SLC9A5: variants seen among roughly 807,000 people sequenced by gnomAD.
The protein encoded by SLC9A5 is solute carrier family 9 member A5, also known as sodium/hydrogen exchanger 5.
In SLC9A5, 52 loss-of-function variants were observed where a neutral mutation model predicts 91.7. The ratio of observed to expected loss-of-function variants is 0.57; its 90% CI spans 0.45 to 0.71. SLC9A5 has a LOEUF of 0.71. SLC9A5 is among the 30% of genes least tolerant of loss of function. The probability of loss-of-function intolerance (pLI) is 0.00; values close to 1 mark genes in which losing one functional copy is unlikely to be tolerated. For missense variants in SLC9A5, 871 were observed against 1,158.9 expected (o/e 0.75, Z 3.61); for synonymous variants, 419 against 474.5 (o/e 0.88, Z 1.52).
Position 67,270,575 on chromosome 16 carries a change from G to C in SLC9A5, c.2219-163G>C, listed in dbSNP as rs2142397625. Reference sequence around the variant, plus strand: ...TGTGCTAGGTGTTGGGGATAGAGTGGAGAGTAAAACAAGCTGTGGTACTTC... The same window carrying C: ...TGTGCTAGGTGTTGGGGATAGAGTGCAGAGTAAAACAAGCTGTGGTACTTC... On this transcript the variant is annotated intron_variant, in intron 15 of 15. Transcript: ENST00000299798. This position sits in a 1 kb window ranked among gnomAD's most constrained non-coding sequence, Gnocchi z 4.3. Among the ~76,000 whole-genome samples the C allele has an allele frequency of 6.6e-6, 1 of 152,324 alleles. No homozygotes were observed. The highest frequency in any genetic ancestry group is 1.9e-4 in the East Asian group (1 of 5,188).
At chr16:67,249,230 G>A in intron 1 of SLC9A5, 29 bp downstream of exon 1, 1 of 1,372,662 alleles carries the variant, frequency 7.3e-7, no homozygotes, top group Non-Finnish European at 9.4e-7. Context: ...GCGCCAGGCC[G>A]ACCGCCAGCG....
At chr16:67,266,255 T>A (rs768743037) in intron 15 of SLC9A5, 30 bp downstream of exon 15, 4 of 1,560,030 alleles carry the variant, frequency 2.6e-6, no homozygotes, top group Non-Finnish European at 3.5e-6. Context: ...CCACCTCCCC[T>A]CTGGAGCAAG....
chr16:67,258,961 G>A lies in SLC9A5; in HGVS notation c.1626+514G>A, dbSNP rs2035418654. On this transcript the variant is annotated intron_variant, in intron 10 of 15. Coordinates refer to ENST00000299798, the MANE Select transcript of SLC9A5 (RefSeq NM_004594.3). This position sits in a 1 kb window ranked among gnomAD's most constrained non-coding sequence, Gnocchi z 4.5. ...CTCTGGAGGCTGAGGCAGGAGAATC[G>A]CTAAAATCTGGGAAGCGGGCTGGGC... Among the ~76,000 whole-genome samples, 1 of 146,754 alleles carries A rather than the reference G, an allele frequency of 6.8e-6. No homozygotes were observed. The highest frequency in any genetic ancestry group is 2.5e-5 in the African/African-American group (1 of 39,498).
At chr16:67,265,301 A>G (rs2035663479) in intron 14 of SLC9A5, among the ~76,000 whole-genome samples, 195 bp downstream of exon 14, 1 of 152,196 alleles carries the variant, frequency 6.6e-6, no homozygotes, top group African/African-American at 2.4e-5. Context: ...GAGGCATCTG[A>G]TTGCTAACTA....
In SLC9A5 at chr16:67,248,991, G is replaced by A; in HGVS notation, c.-24G>A. The A allele has an allele frequency of 8.1e-7, 1 of 1,236,604 alleles. No individual in the cohort carries two copies. Among genetic ancestry groups the A allele is most frequent in the Non-Finnish European group, 1.0e-6 (1 of 987,990 alleles). The allele number at this position is 1,236,604 out of a possible 1,614,324, so 76.6% of individuals were successfully genotyped here. Reference sequence around the variant, plus strand: ...GGGGCCGGCGGCCGTGCGGTGCCGGGAGGGCGGCTGGGCAGGCGGCAGGAT... The same window carrying A: ...GGGGCCGGCGGCCGTGCGGTGCCGGAAGGGCGGCTGGGCAGGCGGCAGGAT... On this transcript the variant is annotated 5_prime_UTR_variant, in exon 1 of 16. Coordinates refer to ENST00000299798, the MANE Select transcript of SLC9A5 (RefSeq NM_004594.3). This position sits in a 1 kb window ranked among gnomAD's most constrained non-coding sequence, Gnocchi z 5.3.
rs747040795 is a variant in SLC9A5, at chr16:67,256,610, C to A, written c.1053C>A (p.Ala351=). The A allele has an allele frequency of 6.2e-7, 1 of 1,614,114 alleles. No homozygotes were observed. The highest frequency in any genetic ancestry group is 8.5e-7 in the Non-Finnish European group (1 of 1,180,014). Residue 351 remains alanine, a synonymous_variant, in exon 6 of 16, where the codon GCC becomes GCA. Transcript: ENST00000299798. The surrounding 1 kb of genome is among the most constrained non-coding windows in gnomAD (Gnocchi z 4.1). ...TCTTCATGCTGCTTGGCATCTCAGC[C>A]GTGGACTCTTCTAAGTGGGCCTGGG... ...TVIFMLLGIS[A]VDSSKWAWDS...
chr16:67,254,702 T>C (rs1296837594), intron 2 of SLC9A5, among the ~76,000 whole-genome samples: 1 of 152,224 alleles, frequency 6.6e-6, no homozygotes, highest in African/African-American at 2.4e-5. Flanking sequence ...CTGGGCTTTT[T>C]CCCTATTCCA....
Position 67,259,660 on chromosome 16 carries a change from C to T in SLC9A5, c.1714C>T (p.Leu572=). 6.2e-7 allele frequency: 1 copy of T among 1,613,822 alleles called. No homozygotes were observed. Among genetic ancestry groups the T allele is most frequent in the East Asian group, 2.2e-5 (1 of 44,864 alleles). ...GGCAGAAACTTCTGTCACCAACCTG[C>T]TGTGAGTCCTTGAGCCCCTTCCCCT... ...SVAETSVTNL[L]RESGSGACLD... The change falls in exon 11 of 16, where the codon CTG becomes TTG. Residue 572 remains leucine, a splice_region_variant and synonymous_variant. Transcript: ENST00000299798.
chr16:67,266,909 C>CTT (rs59587631), intron 15 of SLC9A5, among the ~76,000 whole-genome samples: 3 of 77,946 alleles, frequency 3.8e-5, no homozygotes, highest in Middle Eastern at 7.4e-3. Context: ...TTTTCTTTTT[C>CTT]TTTTTTTTTT....
intron 1 of SLC9A5, among the ~76,000 whole-genome samples, 182 bp downstream of exon 1, chr16:67,249,383 T>C (rs1597340868): frequency 6.6e-6 from 1 of 152,200 alleles, no homozygotes; most frequent in Non-Finnish European, 1.5e-5. Context: ...CCCAGGTCCC[T>C]GTCTTCTCCC....
intron 15 of SLC9A5, among the ~76,000 whole-genome samples, chr16:67,268,957 AACTT>A (rs1441425904): frequency 6.6e-6 from 1 of 151,504 alleles, no homozygotes; most frequent in Non-Finnish European, 1.5e-5. Context: ...GTCAAGTGTC[AACTT>A]TGATAAACCC....
At chr16:67,253,110 C>G (rs1411380601) in intron 2 of SLC9A5, among the ~76,000 whole-genome samples, 3 of 152,214 alleles carry the variant, frequency 2.0e-5, no homozygotes, top group African/African-American at 7.2e-5. Flanking sequence ...TGTTACCATT[C>G]TGTTGCCTCC....
rs1281304583 is a variant in SLC9A5, at chr16:67,271,938, A to T, written c.*728A>T. ...GATCTGCTGCTCTGGGTCTAAGTCTAGACCTTTCTGATCCTTGGGTCTGGG... is the reference window on the plus strand; with the variant it reads ...GATCTGCTGCTCTGGGTCTAAGTCTTGACCTTTCTGATCCTTGGGTCTGGG... On this transcript the variant is annotated 3_prime_UTR_variant, in exon 16 of 16. Coordinates refer to ENST00000299798, the MANE Select transcript of SLC9A5 (RefSeq NM_004594.3). 1 of 152,328 alleles carries T rather than the reference A, an allele frequency of 6.6e-6. No individual in the cohort carries two copies. The highest frequency in any genetic ancestry group is 1.9e-4 in the East Asian group (1 of 5,202). 9.4% of individuals were successfully genotyped at this position (152,328 alleles called of 1,614,324 possible).
Position 67,270,991 on chromosome 16 carries a change from G to A in SLC9A5, c.2472G>A (p.Glu824=), listed in dbSNP as rs1456277657. ...CLPPHPRGTE[E]PQVPLHLPSD... ...CTCCCCATCCACGGGGCACTGAAGA[G>A]CCCCAGGTCCCTCTCCACCTACCTT... Residue 824 remains glutamate (E), a synonymous_variant, in exon 16 of 16, where the codon GAG becomes GAA. Coordinates refer to ENST00000299798, the MANE Select transcript of SLC9A5 (RefSeq NM_004594.3). The surrounding 1 kb of genome is among the most constrained non-coding windows in gnomAD (Gnocchi z 4.3). 3 of 1,613,988 alleles carry A rather than the reference G, an allele frequency of 1.9e-6. No homozygotes were observed. Among genetic ancestry groups the A allele is most frequent in the Non-Finnish European group, 2.5e-6 (3 of 1,179,932 alleles).
intron 14 of SLC9A5, among the ~76,000 whole-genome samples, chr16:67,265,809 G>A (rs1434391027): frequency 6.6e-6 from 1 of 152,208 alleles, no homozygotes. Context: ...GGGATTTGGG[G>A]CTGAAAGAAG....
intron 1 of SLC9A5, 141 bp downstream of exon 1, chr16:67,249,342 T>C: frequency 1.6e-6 from 1 of 621,414 alleles, no homozygotes; most frequent in Non-Finnish European, 2.4e-6. Context: ...ATCCGGGCTC[T>C]CGCCCAGTTC....
Position 67,255,931 on chromosome 16 carries a change from G to GT in SLC9A5, c.911+2dup. ...TGGCCTCGCTCTCCGCCATTCTTGC[G>GT]TGAGTTCTGGGGGCCTTGCAGGCAG... On this transcript the variant is annotated splice_donor_variant, in intron 5 of 15. Transcript: ENST00000299798. LOFTEE classifies it high-confidence loss of function. This position sits in a 1 kb window ranked among gnomAD's most constrained non-coding sequence, Gnocchi z 4.9. 6.2e-7 allele frequency: 1 copy of GT among 1,612,484 alleles called. No homozygotes were observed. The highest frequency in any genetic ancestry group is 8.5e-7 in the Non-Finnish European group (1 of 1,179,432).
Position 67,255,521 on chromosome 16 carries a change from G to A in SLC9A5, c.733+50G>A, listed in dbSNP as rs922913984. On this transcript the variant is annotated intron_variant, in intron 4 of 15. Transcript: ENST00000299798. The surrounding 1 kb of genome is among the most constrained non-coding windows in gnomAD (Gnocchi z 4.9). ...GGCATTGGAGGTCTGCCTCCCCTGG[G>A]TTGCTGAGGCCCTCCCACCCCGCAT... 1 of 1,574,254 alleles carries A rather than the reference G, an allele frequency of 6.4e-7. No individual in the cohort carries two copies. The highest frequency in any genetic ancestry group is 1.3e-5 in the African/African-American group (1 of 74,092).
chr16:67,264,960 G>T, intron 13 of SLC9A5, 80 bp from the exon 14 acceptor site: 1 of 1,445,418 alleles, frequency 6.9e-7, no homozygotes, highest in Non-Finnish European at 9.7e-7. Context: ...AGGAAAACTT[G>T]TCCTGTTGAC....
Sources: gnomAD v4.1 joint callset for allele counts (sites outside exome capture counted in the v4.1 genomes callset) on GRCh38, gnomAD v4.1.1 for gene constraint, Gnocchi (gnomAD v3.1) non-coding constraint, MANE v1.5 for transcripts, NCBI Gene and HGNC (gene_info 2026-07-23, HGNC 2026-07-21) for gene names.